Variants in MIER3 observed in about 807,000 individuals in gnomAD.
MIER3 encodes MIER family member 3, also known as mesoderm induction early response protein 3.
Under a neutral mutation model 63.2 loss-of-function variants are expected in MIER3, and 9 were observed. The ratio of observed to expected loss-of-function variants is 0.14; its 90% CI spans 0.09 to 0.25. The LOEUF is 0.25. Ranked by LOEUF, MIER3 falls within the 10% of genes least tolerant of loss-of-function variation. The probability of loss-of-function intolerance (pLI) is 1.00; values close to 1 mark genes in which losing one functional copy is unlikely to be tolerated. For missense variants in MIER3, 512 were observed against 666.2 expected (o/e 0.77, Z 2.55); for synonymous variants, 205 against 224.9 (o/e 0.91, Z 0.79).
At position 56,938,923 on chromosome 5, in the gene MIER3, C is replaced by T. The variant is rs781001289; in HGVS notation, c.275G>A (p.Ser92Asn). 1.2e-6 allele frequency: 2 copies of T among 1,614,126 alleles called. No homozygotes were observed. The highest frequency in any genetic ancestry group is 4.5e-5 in the East Asian group (2 of 44,874). ...GTCTGGTAGTTCATCTGCCAGTTCA[C>T]TTGGGGAACTATTTGCACTGGAATT... ...VANSSANSSP[S>N]ELADELPDMT... Residue 92 changes from serine to asparagine, a missense_variant, in exon 4 of 13, where the codon AGT becomes AAT. By Grantham distance (46) the Ser-to-Asn change is conservative. This residue lies in a region of MIER3 where 98 missense variants were observed against 107.4 expected (regional missense o/e 0.91). Transcript: ENST00000381199.
At chr5:56,946,827 G>A (rs1750840018) in intron 3 of MIER3, 99 bp downstream of exon 3, 20 of 912,318 alleles carry the variant, frequency 2.2e-5, no homozygotes, top group South Asian at 1.9e-4. Flanking sequence ...AAAAAAAAAA[G>A]GATTATGATC....
At chr5:56,947,582 T>C (rs1456295938) in intron 2 of MIER3, among the ~76,000 whole-genome samples, 1 of 152,114 alleles carries the variant, frequency 6.6e-6, no homozygotes, top group Non-Finnish European at 1.5e-5. Context: ...ATAAAACAAA[T>C]ATAAGTTTCT....
intron 7 of MIER3, among the ~76,000 whole-genome samples, chr5:56,934,699 G>T (rs1337951857): frequency 1.3e-5 from 2 of 149,596 alleles, no homozygotes; most frequent in Non-Finnish European, 3.0e-5. Context: ...CCTTTAAATG[G>T]AGGATGACCT....
In MIER3 at chr5:56,923,098, G is replaced by A; in HGVS notation, c.*30C>T. 1 of 1,591,950 alleles carries A rather than the reference G, an allele frequency of 6.3e-7. No individual in the cohort carries two copies. The highest frequency in any genetic ancestry group is 8.6e-7 in the Non-Finnish European group (1 of 1,162,632). On this transcript the variant is annotated 3_prime_UTR_variant, in exon 13 of 13. Coordinates refer to ENST00000381199, the MANE Select transcript of MIER3 (RefSeq NM_001297599.2). ...AGCTCCCCTCAAGTTTACTGGTGCT[G>A]CACACGCAGTTCCGGGATCCTCACT...
At chr5:56,948,385 C>A (rs1750899388) in intron 2 of MIER3, among the ~76,000 whole-genome samples, 1 of 152,066 alleles carries the variant, frequency 6.6e-6, no homozygotes, top group Non-Finnish European at 1.5e-5. Flanking sequence ...GAAATATAGG[C>A]CGGGGTGGTG....
At chr5:56,945,411 C>T (rs1750793374) in intron 3 of MIER3, among the ~76,000 whole-genome samples, 1 of 151,940 alleles carries the variant, frequency 6.6e-6, no homozygotes. Flanking sequence ...TGCAGTGAGC[C>T]GAGATTGTGC....
At chr5:56,950,692 G>A in intron 1 of MIER3, 40 bp from the exon 2 acceptor site, 1 of 1,610,864 alleles carries the variant, frequency 6.2e-7, no homozygotes, top group Non-Finnish European at 8.5e-7. Context: ...AGATCGCACA[G>A]CCAGGGAAAG....
chr5:56,944,913 T>A (rs138695652), intron 3 of MIER3, among the ~76,000 whole-genome samples: 1,427 of 135,410 alleles, frequency 0.011, 11 homozygotes, highest in Middle Eastern at 0.016. Context: ...CCCAGGCTGG[T>A]CTCAGACTCC....
chr5:56,941,753 C>T (rs1750653849), intron 3 of MIER3, among the ~76,000 whole-genome samples: 2 of 152,086 alleles, frequency 1.3e-5, no homozygotes, highest in Non-Finnish European at 1.5e-5. Flanking sequence ...ATACTGAACA[C>T]CTGCATGAAG....
Position 56,935,762 on chromosome 5 carries a change from A to G in MIER3, c.437-11T>C. 6.2e-7 allele frequency: 1 copy of G among 1,606,930 alleles called. No individual in the cohort carries two copies. Among genetic ancestry groups the G allele is most frequent in the Non-Finnish European group, 8.5e-7 (1 of 1,176,800 alleles). On this transcript the variant is annotated splice_polypyrimidine_tract_variant and intron_variant, in intron 5 of 12. Transcript: ENST00000381199. ...CACATGCAGTATTTGCTTAAAAGAC[A>G]AAAATTAAAAAGGTTTTTACTGCCT...
intron 5 of MIER3, among the ~76,000 whole-genome samples, chr5:56,936,514 A>G (rs1750452590): frequency 2.0e-5 from 3 of 151,960 alleles, no homozygotes; most frequent in African/African-American, 7.2e-5. Context: ...CAAACATTTT[A>G]TTTATTTATT....
intron 4 of MIER3, 84 bp downstream of exon 4, chr5:56,938,799 A>T: frequency 6.7e-7 from 1 of 1,491,834 alleles, no homozygotes; most frequent in Non-Finnish European, 9.0e-7. Context: ...TACATTTAAG[A>T]ATTATTAAAT....
At chr5:56,924,133 A>G (rs1027062832) in intron 10 of MIER3, 91 bp from the exon 11 acceptor site, 23 of 1,255,908 alleles carry the variant, frequency 1.8e-5, no homozygotes, top group Non-Finnish European at 2.6e-5. Context: ...ACTTCAATCC[A>G]TGGGTCTTAT....
In MIER3 at chr5:56,943,204, G is replaced by A. The variant is rs1047356376; in HGVS notation, c.180+3722C>T. ...GAAGAAGCCAAGCTAAAGACTGAAC[G>A]GGAGGGAAGAAAGTACATACATGAC... On this transcript the variant is annotated intron_variant, in intron 3 of 12. Coordinates refer to ENST00000381199, the MANE Select transcript of MIER3 (RefSeq NM_001297599.2). Among the ~76,000 whole-genome samples the A allele has an allele frequency of 1.1e-4, 16 of 152,036 alleles. 1 individual carries two copies. The highest frequency in any genetic ancestry group is 7.7e-4 in the East Asian group (4 of 5,178).
intron 3 of MIER3, 110 bp downstream of exon 3, chr5:56,946,816 G>GAA (rs368808899): frequency 5.2e-5 from 40 of 775,690 alleles, no homozygotes; most frequent in African/African-American, 2.3e-4. Context: ...AAATAAGAGT[G>GAA]AAAAAAAAAA....
chr5:56,943,533 G>C (rs2112138372), intron 3 of MIER3, among the ~76,000 whole-genome samples: 1 of 152,270 alleles, frequency 6.6e-6, no homozygotes, highest in East Asian at 1.9e-4. Context: ...ATGACCATCT[G>C]TTGAGGGACA....
At chr5:56,943,914 G>C (rs1010678611) in intron 3 of MIER3, among the ~76,000 whole-genome samples, 3 of 152,124 alleles carry the variant, frequency 2.0e-5, no homozygotes, top group African/African-American at 7.2e-5. Flanking sequence ...GGACACAGTA[G>C]AGTCTAGTCA....
Position 56,935,890 on chromosome 5 carries a change from T to A in MIER3, c.437-139A>T, listed in dbSNP as rs1401481589. On this transcript the variant is annotated intron_variant, in intron 5 of 12. Coordinates refer to ENST00000381199, the MANE Select transcript of MIER3 (RefSeq NM_001297599.2). ...TAAACCACCTGCATGTTTCTCACAA[T>A]CGACATTGGTCAAAATGAGACACTG... The A allele has an allele frequency of 7.8e-5, 51 of 657,986 alleles. 1 individual carries two copies. Among genetic ancestry groups the A allele is most frequent in the Non-Finnish European group, 7.9e-6 (3 of 377,780 alleles). The allele number at this position is 657,986 out of a possible 1,614,324, so 40.8% of individuals were successfully genotyped here. A position where few individuals can be genotyped will look rare whatever the true frequency, so the allele number is the denominator to read the frequency against.
chr5:56,924,812 A>G (rs1006899820), intron 10 of MIER3, among the ~76,000 whole-genome samples: 3 of 152,248 alleles, frequency 2.0e-5, no homozygotes, highest in African/African-American at 7.2e-5. Context: ...TCCCTTGCTT[A>G]ATCAGTACCC....
Sources: allele counts gnomAD v4.1 joint callset (sites outside exome capture counted in the v4.1 genomes callset), GRCh38; gene constraint gnomAD v4.1.1; regional missense constraint gnomAD v4.1.1; transcripts MANE v1.5; gene names NCBI Gene and HGNC (gene_info 2026-07-23, HGNC 2026-07-21).